Variants in DAB1 observed in about 807,000 individuals in gnomAD.
DAB1 encodes the protein disabled homolog 1.
Under a neutral mutation model 64.6 loss-of-function variants are expected in DAB1, and 15 were observed. That is an observed-to-expected ratio of 0.23 (90% CI 0.16 to 0.36). The LOEUF is 0.36. Ranked by LOEUF, DAB1 falls within the 10% of genes least tolerant of loss-of-function variation. The probability of loss-of-function intolerance (pLI) is 1.00; values close to 1 mark genes in which losing one functional copy is unlikely to be tolerated. For missense variants in DAB1, 596 were observed against 706.7 expected, an observed-to-expected ratio of 0.84 and a Z score of 1.78; for synonymous variants, 235 against 251.9, an observed-to-expected ratio of 0.93 and a Z score of 0.64.
At chr1:57,337,035 C>T (rs750266485) in intron 1 of DAB1, among the ~76,000 whole-genome samples, 28 of 152,196 alleles carry the variant, frequency 1.8e-4, no homozygotes, top group Non-Finnish European at 3.7e-4. Flanking sequence ...GATTCTTCAA[C>T]TGTTCAGTGT....
At chr1:58,249,268 C>T (rs1660689881) in intron 4 of DAB1, among the ~76,000 whole-genome samples, 1 of 151,968 alleles carries the variant, frequency 6.6e-6, no homozygotes, top group South Asian at 2.1e-4. Flanking sequence ...ATCTTAAATT[C>T]CCAGAAATTC....
chr1:58,395,816 T>C (rs965305731), intron 3 of DAB1, among the ~76,000 whole-genome samples: 3 of 152,170 alleles, frequency 2.0e-5, no homozygotes, highest in Non-Finnish European at 2.9e-5. Flanking sequence ...GTGCTGGGAT[T>C]CAGCATTGAA....
chr1:57,559,237 T>G (rs1482275106), intron 7 of DAB1, among the ~76,000 whole-genome samples: 1 of 152,190 alleles, frequency 6.6e-6, no homozygotes, highest in Admixed American at 6.5e-5. Flanking sequence ...GCATTTCTAC[T>G]TAATTTATAT....
rs113519967 is a variant in DAB1, at chr1:57,832,160, T to C, written n.88-5705A>G. ...GCAGGAAGAGCAGTACAAAGAGCCA[T>C]GCCAGTGTCACAGAAAGCATCTTTG... is the stretch of plus-strand genomic sequence containing the variant. On this transcript the variant is annotated intron_variant and non_coding_transcript_variant, in intron 1 of 1. Coordinates refer to the DAB1 transcript ENST00000477280. Among the ~76,000 whole-genome samples the C allele has an allele frequency of 4.1e-3, 620 of 152,308 alleles. 9 individuals carry two copies. The highest frequency in any genetic ancestry group is 0.014 in the African/African-American group (581 of 41,560).
At chr1:57,994,808 TTC>T (rs1557601329) in intron 5 of DAB1, among the ~76,000 whole-genome samples, 1 of 152,078 alleles carries the variant, frequency 6.6e-6, no homozygotes, top group Non-Finnish European at 1.5e-5. Flanking sequence ...GGTGATGGAA[TTC>T]TTAGGAGGAA....
chr1:58,164,123 G>C (rs1288934862), intron 4 of DAB1, among the ~76,000 whole-genome samples: 1 of 151,336 alleles, frequency 6.6e-6, no homozygotes, highest in South Asian at 2.1e-4. Context: ...GCACTGTGTG[G>C]GGAGGGTAAT....
intron 5 of DAB1, among the ~76,000 whole-genome samples, chr1:58,075,908 A>G (rs1649607393): frequency 6.6e-6 from 1 of 151,776 alleles, no homozygotes; most frequent in Non-Finnish European, 1.5e-5. Context: ...AACGCTATTG[A>G]GAATATCTGT....
chr1:57,101,621 G>A (rs1654690195), intron 4 of DAB1, among the ~76,000 whole-genome samples: 1 of 152,228 alleles, frequency 6.6e-6, no homozygotes, highest in Non-Finnish European at 1.5e-5. Context: ...AATGCACACT[G>A]TGGATTACAG....
intron 6 of DAB1, among the ~76,000 whole-genome samples, chr1:57,723,161 CT>C (rs1055381463): frequency 2.0e-5 from 3 of 152,238 alleles, no homozygotes; most frequent in South Asian, 2.1e-4. Flanking sequence ...GACTAGAAAA[CT>C]TTTTTTCATT....
chr1:57,547,487 A>G (rs1046124855), intron 7 of DAB1, among the ~76,000 whole-genome samples: 1 of 152,154 alleles, frequency 6.6e-6, no homozygotes. Context: ...TGCAGAACTT[A>G]TTTTCTGCTA....
Position 58,296,439 on chromosome 1 carries a change from A to C in DAB1, n.309+46913T>G, listed in dbSNP as rs540835673. Among the ~76,000 whole-genome samples the C allele has an allele frequency of 3.9e-5, 6 of 152,306 alleles. No homozygotes were observed. In the South Asian group the frequency reaches 1.2e-3, roughly 32 times the overall value. On this transcript the variant is annotated intron_variant and non_coding_transcript_variant, in intron 4 of 20. Coordinates refer to the DAB1 transcript ENST00000485760. ...AAACATCAAACAACAGGAGGTAGGC[A>C]GCTGCGGGTGGTTGGGGCAGGAGAG...
At chr1:58,014,539 C>T (rs1026151667) in intron 5 of DAB1, among the ~76,000 whole-genome samples, 1 of 152,268 alleles carries the variant, frequency 6.6e-6, no homozygotes, top group African/African-American at 2.4e-5. Context: ...CTTGGGCCCT[C>T]GGTCTTCCAC....
chr1:57,689,259 A>T (rs1214023946), intron 6 of DAB1, among the ~76,000 whole-genome samples: 1 of 152,090 alleles, frequency 6.6e-6, no homozygotes, highest in Non-Finnish European at 1.5e-5. Flanking sequence ...TTTACCCCAT[A>T]ATGTCCTAGG....
At chr1:57,921,257 C>T (rs1187242546) in intron 5 of DAB1, among the ~76,000 whole-genome samples, 1 of 152,080 alleles carries the variant, frequency 6.6e-6, no homozygotes, top group Admixed American at 6.5e-5. Flanking sequence ...TAAACCCATG[C>T]ACGTGTATAT....
chr1:58,542,923 G>T (rs1047863306), intron 1 of DAB1, among the ~76,000 whole-genome samples: 1 of 152,086 alleles, frequency 6.6e-6, no homozygotes, highest in Non-Finnish European at 1.5e-5. Context: ...TGTAAGTTGG[G>T]TCTACAGCGG....
intron 3 of DAB1, among the ~76,000 whole-genome samples, chr1:58,460,546 A>G (rs1186165550): frequency 6.6e-6 from 1 of 152,134 alleles, no homozygotes; most frequent in Non-Finnish European, 1.5e-5. Flanking sequence ...TGAGAAGGAG[A>G]AGGAAGAAAT....
At chr1:58,473,433 T>C (rs1055758073) in intron 3 of DAB1, among the ~76,000 whole-genome samples, 14 of 151,898 alleles carry the variant, frequency 9.2e-5, no homozygotes, top group Non-Finnish European at 1.8e-4. Flanking sequence ...TCCCAGCTAC[T>C]CGGGAGGCTG....
chr1:57,606,376 C>CTATATA (rs58167700), intron 7 of DAB1, among the ~76,000 whole-genome samples: 2,127 of 117,874 alleles, frequency 0.018, 71 homozygotes, highest in African/African-American at 0.064. Context: ...CATTCTAATC[C>CTATATA]TATATATATA....
At chr1:57,069,305 A>AT (rs1651225880) in intron 8 of DAB1, 55 bp downstream of exon 8, 1 of 1,390,430 alleles carries the variant, frequency 7.2e-7, no homozygotes. Flanking sequence ...CTATCAGTAC[A>AT]TTTATGCATG....
Sources: allele counts gnomAD v4.1 joint callset (sites outside exome capture counted in the v4.1 genomes callset), GRCh38; gene constraint gnomAD v4.1.1; transcripts MANE v1.5; gene names NCBI Gene and HGNC (gene_info 2026-07-23, HGNC 2026-07-21).